MYT1L: variants seen among roughly 807,000 people sequenced by gnomAD.
MYT1L encodes the protein myelin transcription factor 1 like, also known as myelin transcription factor 1-like protein.
Under a neutral mutation model 126.7 loss-of-function variants are expected in MYT1L, and 12 were observed. That is an observed-to-expected ratio of 0.09 (90% CI 0.06 to 0.15). MYT1L has a LOEUF of 0.15. Ranked by LOEUF, MYT1L falls within the 10% of genes least tolerant of loss-of-function variation. The pLI, the probability that MYT1L is intolerant of heterozygous loss-of-function variation, is 1.00. For synonymous variants in MYT1L, 541 were observed against 604.2 expected, an observed-to-expected ratio of 0.90 and a Z score of 1.53; for missense variants, 979 against 1,585.2, an observed-to-expected ratio of 0.62 and a Z score of 6.49.
At chr2:2,027,096 CT>C (rs1243874017) in intron 4 of MYT1L, among the ~76,000 whole-genome samples, 8 of 152,218 alleles carry the variant, frequency 5.3e-5, no homozygotes, top group African/African-American at 1.7e-4. Context: ...CCGTGCACAG[CT>C]GCCTCAGTGT....
intron 4 of MYT1L, among the ~76,000 whole-genome samples, chr2:2,003,339 C>T (rs975951673): frequency 1.3e-5 from 2 of 152,184 alleles, no homozygotes; most frequent in Non-Finnish European, 2.9e-5. Flanking sequence ...ATTAAACACC[C>T]CTCAGCCTTC....
intron 18 of MYT1L, among the ~76,000 whole-genome samples, chr2:1,857,194 C>G (rs1271834130): frequency 1.3e-5 from 2 of 152,196 alleles, no homozygotes; most frequent in Non-Finnish European, 2.9e-5. Context: ...GGGCCAAGAC[C>G]CAGTGGGTCC....
At chr2:2,008,620 C>T (rs2063543443) in intron 4 of MYT1L, among the ~76,000 whole-genome samples, 1 of 151,744 alleles carries the variant, frequency 6.6e-6, no homozygotes, top group Non-Finnish European at 1.5e-5. Context: ...TTTTTTTTTC[C>T]ACTCTATAGG....
intron 2 of MYT1L, among the ~76,000 whole-genome samples, chr2:2,204,855 A>G (rs1033476222): frequency 2.0e-5 from 3 of 152,100 alleles, no homozygotes; most frequent in African/African-American, 7.2e-5. Flanking sequence ...AAGACTTGGA[A>G]TCAACCCAAA....
intron 8 of MYT1L, among the ~76,000 whole-genome samples, chr2:1,960,012 C>T (rs2058829630): frequency 1.3e-5 from 2 of 152,164 alleles, no homozygotes; most frequent in African/African-American, 2.4e-5. Context: ...TAGGTAGTAA[C>T]ATTTTCCAGG....
At chr2:2,254,887 CA>C (rs1301054801) in intron 2 of MYT1L, among the ~76,000 whole-genome samples, 1 of 152,170 alleles carries the variant, frequency 6.6e-6, no homozygotes, top group Non-Finnish European at 1.5e-5. Flanking sequence ...CCCTCTTCCC[CA>C]AACTTTTACT....
At chr2:2,142,317 C>T (rs927039920) in intron 3 of MYT1L, among the ~76,000 whole-genome samples, 1 of 152,138 alleles carries the variant, frequency 6.6e-6, no homozygotes, top group African/African-American at 2.4e-5. Context: ...ATTGTCATAG[C>T]ATTCTTCCTC....
chr2:2,015,709 G>C (rs986348163), intron 4 of MYT1L, among the ~76,000 whole-genome samples: 5 of 152,158 alleles, frequency 3.3e-5, no homozygotes, highest in African/African-American at 7.2e-5. Flanking sequence ...AGGGAAGGAG[G>C]GGGCGGGAGG....
At chr2:1,995,336 T>C (rs924863533) in intron 5 of MYT1L, among the ~76,000 whole-genome samples, 1 of 152,164 alleles carries the variant, frequency 6.6e-6, no homozygotes, top group African/African-American at 2.4e-5. Context: ...GTGAGTTCAC[T>C]AGACTGTCGT....
At chr2:1,796,113 A>G (rs73913409) in intron 23 of MYT1L, among the ~76,000 whole-genome samples, 1 of 152,210 alleles carries the variant, frequency 6.6e-6, no homozygotes, top group African/African-American at 2.4e-5. Flanking sequence ...GCACCACGTG[A>G]CGCTGTGTTG....
At chr2:1,857,989 A>T (rs866106058) in intron 18 of MYT1L, among the ~76,000 whole-genome samples, 18 of 151,936 alleles carry the variant, frequency 1.2e-4, no homozygotes, top group Non-Finnish European at 2.2e-4. Context: ...CAGCCTTCCC[A>T]GCAGCTGGGA....
At chr2:2,254,192 T>A (rs987792423) in intron 2 of MYT1L, among the ~76,000 whole-genome samples, 8 of 152,188 alleles carry the variant, frequency 5.3e-5, no homozygotes, top group Non-Finnish European at 1.0e-4. Flanking sequence ...TTGCATATAT[T>A]TGTCCAATGC....
chr2:2,047,080 A>T (rs1043835908), intron 4 of MYT1L, among the ~76,000 whole-genome samples: 2 of 152,234 alleles, frequency 1.3e-5, no homozygotes, highest in African/African-American at 4.8e-5. Context: ...CATTTATGCT[A>T]TATTTTAATG....
intron 1 of MYT1L, among the ~76,000 whole-genome samples, chr2:2,289,966 G>A (rs2095575301): frequency 6.6e-6 from 1 of 152,208 alleles, no homozygotes; most frequent in African/African-American, 2.4e-5. Context: ...AGTATGCTGA[G>A]AGGAAATGTG....
intron 18 of MYT1L, among the ~76,000 whole-genome samples, chr2:1,874,047 GGGAGAGGGCAA>G (rs139835104): frequency 0.31 from 47,770 of 151,788 alleles, 9,128 homozygotes; most frequent in African/African-American, 0.55. Context: ...GGGAAGGACA[GGGAGAGGGCAA>G]GGAGAGGGCA....
intron 14 of MYT1L, among the ~76,000 whole-genome samples, chr2:1,898,670 C>A (rs1419912762): frequency 6.6e-6 from 1 of 152,190 alleles, no homozygotes; most frequent in Non-Finnish European, 1.5e-5. Context: ...TGCTGCAGGG[C>A]AGAGTGTGGC....
chr2:1,857,691 T>C (rs188346354), intron 18 of MYT1L, among the ~76,000 whole-genome samples: 217 of 152,252 alleles, frequency 1.4e-3, no homozygotes, highest in African/African-American at 5.0e-3. Flanking sequence ...GAGAAAAACA[T>C]ATTTGTAAAT....
chr2:2,186,206 C>T (rs1489002804), intron 2 of MYT1L, among the ~76,000 whole-genome samples: 4 of 142,362 alleles, frequency 2.8e-5, no homozygotes, highest in Non-Finnish European at 6.0e-5. Context: ...GCCTTCCGGG[C>T]CTTCCCGAGT....
chr2:1,911,512 G>T (rs2051970933), intron 12 of MYT1L, among the ~76,000 whole-genome samples: 1 of 152,176 alleles, frequency 6.6e-6, no homozygotes, highest in Admixed American at 6.5e-5. Context: ...CCATTGGTTA[G>T]CAGGAGTCCA....
Sources: allele counts gnomAD v4.1 joint callset (sites outside exome capture counted in the v4.1 genomes callset), GRCh38; gene constraint gnomAD v4.1.1; transcripts MANE v1.5; gene names NCBI Gene and HGNC (gene_info 2026-07-23, HGNC 2026-07-21).